ZMYM2: variants seen among roughly 807,000 people sequenced by gnomAD.
ZMYM2 encodes the protein zinc finger MYM-type containing 2.
In ZMYM2, 56 loss-of-function variants were observed where a neutral mutation model predicts 162.8. The observed-to-expected ratio is 0.34, with a 90% confidence interval of 0.28 to 0.43. The LOEUF is 0.43. Ranked by LOEUF, ZMYM2 falls within the 20% of genes least tolerant of loss-of-function variation. ZMYM2 has a pLI of 1.00. For missense variants in ZMYM2, 1,275 were observed against 1,621.8 expected (o/e 0.79, Z 3.67); for synonymous variants, 510 against 541.6 (o/e 0.94, Z 0.81).
At position 20,066,751 on chromosome 13, in the gene ZMYM2, G is replaced by C. The variant is rs1018173405; in HGVS notation, c.3133-100G>C. ...GCAGTTCAAACCCATGTTGCTCAAG[G>C]GTCAATTGTAATTTGCCTTTGTTGA... On this transcript the variant is annotated intron_variant, in intron 19 of 24. Coordinates refer to ENST00000610343, the MANE Select transcript of ZMYM2 (RefSeq NM_197968.4). The C allele has an allele frequency of 2.3e-5, 28 of 1,213,878 alleles. No individual in the cohort carries two copies. The African/African-American group carries it at 4.4e-4, about 19-fold the overall frequency. The allele number at this position is 1,213,878 out of a possible 1,614,324, so 75.2% of individuals were successfully genotyped here.
intron 21 of ZMYM2, among the ~76,000 whole-genome samples, chr13:20,081,554 T>TGAA (rs1183055773): frequency 6.6e-6 from 1 of 152,178 alleles, no homozygotes; most frequent in Non-Finnish European, 1.5e-5. Flanking sequence ...AGAAGAGAGC[T>TGAA]TTCAATAGCT....
At chr13:20,015,954 A>G (rs1174271696) in intron 6 of ZMYM2, among the ~76,000 whole-genome samples, 1 of 152,052 alleles carries the variant, frequency 6.6e-6, no homozygotes, top group Non-Finnish European at 1.5e-5. Context: ...AATTGACAGA[A>G]TAGGAAAAAA....
At chr13:19,926,110 G>T in the ZMYM2 span, among the ~76,000 whole-genome samples, 1 of 151,018 alleles carries the variant, frequency 6.6e-6, no homozygotes, top group Admixed American at 6.6e-5. Context: ...ACAGGTGCCC[G>T]TCACCAAGCC....
chr13:20,027,380 GTAATA>G, intron 9 of ZMYM2, 62 bp downstream of exon 9: 2 of 1,279,562 alleles, frequency 1.6e-6, no homozygotes, highest in Admixed American at 2.5e-5. Context: ...AATAATCAGT[GTAATA>G]TAATATGCTT....
Position 20,082,822 on chromosome 13 carries a change from A to C in ZMYM2, c.3610A>C (p.Ile1204Leu), listed in dbSNP as rs778621881. 8 of 1,612,942 alleles carry C rather than the reference A, an allele frequency of 5.0e-6. No homozygotes were observed. Among genetic ancestry groups the C allele is most frequent in the Non-Finnish European group, 6.8e-6 (8 of 1,179,284 alleles). The change falls in exon 23 of 25, where the codon ATA becomes CTA. Residue 1204 changes from isoleucine to leucine, a missense_variant. Physicochemically the swap from Ile to Leu is conservative, Grantham distance 5 (BLOSUM62 2). This residue lies in a region of ZMYM2 where 103 missense variants were observed against 192.2 expected (regional missense o/e 0.54). Transcript: ENST00000610343. ...SRVEEDYLWRIKQLGSHSPVA... is the reference protein window; with the variant it reads ...SRVEEDYLWRLKQLGSHSPVA... ...AGTTGAAGAAGACTATCTCTGGAGGATAAAACAACTAGGATCACACTCTCC... is the reference window on the plus strand; with the variant it reads ...AGTTGAAGAAGACTATCTCTGGAGGCTAAAACAACTAGGATCACACTCTCC...
At chr13:20,084,824 A>C (rs1958150009) in intron 24 of ZMYM2, among the ~76,000 whole-genome samples, 1 of 152,206 alleles carries the variant, frequency 6.6e-6, no homozygotes, top group Non-Finnish European at 1.5e-5. Flanking sequence ...TGTTTAAACA[A>C]ATTTATAAAT....
At position 20,019,553 on chromosome 13, in the gene ZMYM2, A is replaced by T; in HGVS notation, c.1519A>T (p.Ser507Cys). Residue 507 changes from serine to cysteine, a missense_variant, in exon 7 of 25, where the codon AGC (serine) becomes TGC (cysteine). This residue lies in a region of ZMYM2 where 276 missense variants were observed against 311.8 expected (regional missense o/e 0.89). Transcript: ENST00000610343. ...TTTTAAAATCTTTTTTTAGGTAGGT[A>T]GCCATCCAAGCTTCCTGAAGGAGGT... Reference protein sequence around the residue: ...SCVSEYKQVGSHPSFLKEVRD... With the variant: ...SCVSEYKQVGCHPSFLKEVRD... The T allele has an allele frequency of 6.3e-7, 1 of 1,586,346 alleles. No homozygotes were observed. The highest frequency in any genetic ancestry group is 8.6e-7 in the Non-Finnish European group (1 of 1,165,644).
chr13:20,001,394 GAAA>G (rs61504250), intron 3 of ZMYM2, among the ~76,000 whole-genome samples: 3 of 108,976 alleles, frequency 2.8e-5, no homozygotes, highest in Non-Finnish European at 1.8e-5. Flanking sequence ...TGTCTCAAAA[GAAA>G]AAAAAAAAAA....
At chr13:19,917,184 A>C in the ZMYM2 span, among the ~76,000 whole-genome samples, 28 of 151,884 alleles carry the variant, frequency 1.8e-4, no homozygotes, top group African/African-American at 2.2e-4. Context: ...GGATGGTCTC[A>C]ATCTCCTGAC....
rs549966236 is a variant in ZMYM2, at chr13:20,074,448, C to T, written c.3453+7058C>T. Among the ~76,000 whole-genome samples the T allele has an allele frequency of 1.2e-4, 18 of 152,038 alleles. No homozygotes were observed. In the South Asian group the frequency reaches 3.5e-3, roughly 30 times the overall value. On this transcript the variant is annotated intron_variant, in intron 21 of 24. Coordinates refer to ENST00000610343, the MANE Select transcript of ZMYM2 (RefSeq NM_197968.4). ...ATGGGGTTTCGCCATGTTGACCAGT[C>T]TGGTCTCGAACTCCTGGGCCCAAGC... is the stretch of plus-strand genomic sequence containing the variant.
chr13:20,077,464 TTTAAATAATG>T (rs962418505), intron 21 of ZMYM2, among the ~76,000 whole-genome samples: 1 of 150,608 alleles, frequency 6.6e-6, no homozygotes, highest in Non-Finnish European at 1.5e-5. Context: ...ACAAATAATA[TTTAAATAATG>T]TTATGCTCGT....
chr13:19,964,014 G>A (rs1344637134), intron 2 of ZMYM2, among the ~76,000 whole-genome samples: 5 of 152,076 alleles, frequency 3.3e-5, no homozygotes, highest in Admixed American at 3.3e-4. Context: ...ATAGCTGTTG[G>A]GTTTTAGTTT....
chr13:19,935,772 T>C, the ZMYM2 span, among the ~76,000 whole-genome samples: 4 of 152,094 alleles, frequency 2.6e-5, no homozygotes, highest in African/African-American at 4.8e-5. Flanking sequence ...TTTCCCCTTA[T>C]AGGATACAGA....
the ZMYM2 span, among the ~76,000 whole-genome samples, chr13:19,896,760 CAAAAA>C: frequency 3.4e-5 from 3 of 87,232 alleles, 1 homozygote; most frequent in African/African-American, 1.4e-4. Flanking sequence ...GACTCCATCT[CAAAAA>C]AAAAAAAAAG....
intron 11 of ZMYM2, among the ~76,000 whole-genome samples, chr13:20,035,925 A>T (rs1425303628): frequency 6.6e-6 from 1 of 152,204 alleles, no homozygotes; most frequent in Non-Finnish European, 1.5e-5. Context: ...AGGATAGTAC[A>T]TAAATGATTG....
At chr13:19,979,115 T>A (rs186577878) in intron 2 of ZMYM2, among the ~76,000 whole-genome samples, 1 of 152,328 alleles carries the variant, frequency 6.6e-6, no homozygotes, top group East Asian at 1.9e-4. Flanking sequence ...AAAATGCTGA[T>A]AATGATAATC....
chr13:19,982,925 G>A (rs1355599723), intron 2 of ZMYM2, among the ~76,000 whole-genome samples: 2 of 150,760 alleles, frequency 1.3e-5, no homozygotes, highest in East Asian at 1.9e-4. Context: ...TAGGTTTGTC[G>A]TTTTTTTTAA....
chr13:19,933,589 A>T, the ZMYM2 span, among the ~76,000 whole-genome samples: 12 of 152,228 alleles, frequency 7.9e-5, no homozygotes, highest in East Asian at 2.1e-3. Flanking sequence ...TATTTTGGGG[A>T]TCAACACCTG....
chr13:19,975,861 A>AT (rs71198946), intron 2 of ZMYM2, among the ~76,000 whole-genome samples: 1 of 146,890 alleles, frequency 6.8e-6, no homozygotes, highest in East Asian at 2.0e-4. Flanking sequence ...CCATTTTTAA[A>AT]ATGTATGTAT....
Sources: gnomAD v4.1 joint callset for allele counts (sites outside exome capture counted in the v4.1 genomes callset) on GRCh38, gnomAD v4.1.1 for gene constraint, gnomAD v4.1.1 regional missense constraint, MANE v1.5 for transcripts, NCBI Gene and HGNC (gene_info 2026-07-23, HGNC 2026-07-21) for gene names.